NMNAT1: variants seen among roughly 807,000 people sequenced by gnomAD.
NMNAT1 encodes the protein nicotinamide/nicotinic acid mononucleotide adenylyltransferase 1.
A neutral mutation model predicts 16.7 loss-of-function variants in NMNAT1; 11 were observed. The ratio of observed to expected loss-of-function variants is 0.66; its 90% CI spans 0.41 to 1.09. The LOEUF is 1.09. Ranked by LOEUF, NMNAT1 falls within the 50% of genes least tolerant of loss-of-function variation. NMNAT1 has a pLI of 0.00. For synonymous variants in NMNAT1, 110 were observed against 119.8 expected (o/e 0.92, Z 0.53); for missense variants, 280 against 332.3 (o/e 0.84, Z 1.22).
chr1:9,957,807 A>T (rs1641301862), intron 1 of NMNAT1, among the ~76,000 whole-genome samples: 1 of 152,096 alleles, frequency 6.6e-6, no homozygotes, highest in Non-Finnish European at 1.5e-5. Flanking sequence ...ATTTTTTTTT[A>T]GAATTAAAGT....
chr1:9,982,318 C>G lies in NMNAT1; in HGVS notation c.457C>G (p.Leu153Val), dbSNP rs387907293. The change falls in exon 5 of 5, where the codon CTG (leucine) becomes GTG (valine). Residue 153 changes from leucine to valine, a missense_variant. By Grantham distance (32) the Leu-to-Val change is conservative (BLOSUM62 1). Transcript: ENST00000377205. ...CTTCCCAGCTGTGCCAAAGGTCAAG[C>G]TGCTGTGTGGGGCAGATTTATTGGA... ...PKTKAVPKVK[L>V]LCGADLLESF... is the part of the protein sequence containing the mutation. The G allele has an allele frequency of 1.2e-6, 2 of 1,612,490 alleles. No individual in the cohort carries two copies. The highest frequency in any genetic ancestry group is 1.7e-6 in the Non-Finnish European group (2 of 1,179,064).
chr1:9,973,876 C>T (rs968507002), intron 2 of NMNAT1, among the ~76,000 whole-genome samples: 5 of 151,178 alleles, frequency 3.3e-5, no homozygotes, highest in South Asian at 2.1e-4. Flanking sequence ...CTCGCTCTGT[C>T]GCCCAGGCTG....
the NMNAT1 span, among the ~76,000 whole-genome samples, chr1:9,996,289 C>CA: frequency 1.5e-5 from 2 of 134,644 alleles, no homozygotes; most frequent in African/African-American, 5.7e-5. Context: ...CCAGCCTGGG[C>CA]ACAGAGCGAG....
chr1:9,989,929 T>G (rs762353644), downstream of NMNAT1, among the ~76,000 whole-genome samples: 3 of 152,180 alleles, frequency 2.0e-5, no homozygotes, highest in Non-Finnish European at 4.4e-5. Context: ...GTTTTGCTCC[T>G]TCAGGTGCCC....
At chr1:9,958,205 A>T (rs930763292) in intron 1 of NMNAT1, among the ~76,000 whole-genome samples, 8 of 152,174 alleles carry the variant, frequency 5.3e-5, no homozygotes, top group African/African-American at 9.6e-5. Flanking sequence ...TAGCTTCCAG[A>T]AAACAAATTC....
At chr1:9,945,215 C>T (rs1640948453) in intron 1 of NMNAT1, among the ~76,000 whole-genome samples, 1 of 151,914 alleles carries the variant, frequency 6.6e-6, no homozygotes. Flanking sequence ...GCCTGGGTGA[C>T]AGAGCAACTC....
the NMNAT1 span, among the ~76,000 whole-genome samples, chr1:9,996,108 G>T: frequency 1.3e-5 from 2 of 151,930 alleles, no homozygotes; most frequent in Admixed American, 6.6e-5. Flanking sequence ...TCATGAGATC[G>T]AGACCATCCT....
Position 9,973,277 on chromosome 1 carries a change from C to T in NMNAT1, c.115+1089C>T, listed in dbSNP as rs560528720. Among the ~76,000 whole-genome samples the T allele has an allele frequency of 3.3e-3, 496 of 152,092 alleles. 5 individuals are homozygous for T. The highest frequency in any genetic ancestry group is 0.011 in the African/African-American group (449 of 41,520). Reference sequence around the variant, plus strand: ...GATTACAGGAATGTGCCACCACGCCCGGCTAATTTTTTATATTTTTAGTAG... The same window carrying T: ...GATTACAGGAATGTGCCACCACGCCTGGCTAATTTTTTATATTTTTAGTAG... On this transcript the variant is annotated intron_variant, in intron 2 of 4. Coordinates refer to ENST00000377205, the MANE Select transcript of NMNAT1 (RefSeq NM_022787.4).
chr1:9,979,827 G>A (rs1380694441), intron 3 of NMNAT1, among the ~76,000 whole-genome samples: 1 of 151,260 alleles, frequency 6.6e-6, no homozygotes, highest in Non-Finnish European at 1.5e-5. Flanking sequence ...AATTGTTATT[G>A]AATGCCTCCT....
chr1:9,953,797 CTTTTTTTTTTTTTT>C (rs34585788), intron 1 of NMNAT1, among the ~76,000 whole-genome samples: 2 of 60,148 alleles, frequency 3.3e-5, no homozygotes, highest in Non-Finnish European at 6.5e-5. Context: ...ATATATCACT[CTTTTTTTTTTTTTT>C]TTTTTTTTTT....
chr1:9,967,886 G>A (rs1309825997), intron 1 of NMNAT1, among the ~76,000 whole-genome samples: 4 of 151,942 alleles, frequency 2.6e-5, no homozygotes, highest in Non-Finnish European at 5.9e-5. Flanking sequence ...TGAGGTCGAA[G>A]GATCACTTGA....
chr1:9,975,433 G>A (rs1641783939), intron 2 of NMNAT1, among the ~76,000 whole-genome samples, 159 bp from the exon 3 acceptor site: 3 of 152,098 alleles, frequency 2.0e-5, no homozygotes, highest in Admixed American at 6.6e-5. Flanking sequence ...CCCAGGAGGC[G>A]GAGGTTGCAG....
chr1:9,984,776 C>G lies in NMNAT1; in HGVS notation c.*2075C>G, dbSNP rs1049244450. On this transcript the variant is annotated 3_prime_UTR_variant, in exon 5 of 5. Coordinates refer to ENST00000377205, the MANE Select transcript of NMNAT1 (RefSeq NM_022787.4). ...AGTAAAAGTCCTTGATTGGCATCTTCATTCGGATGATGGAGAGCCTTTGTG... is the reference window on the plus strand; with the variant it reads ...AGTAAAAGTCCTTGATTGGCATCTTGATTCGGATGATGGAGAGCCTTTGTG... 2.0e-5 allele frequency: 3 copies of G among 152,120 alleles called. No homozygotes were observed. The highest frequency in any genetic ancestry group is 4.4e-5 in the Non-Finnish European group (3 of 68,034). The allele number at this position is 152,120 out of a possible 1,614,324, so 9.4% of individuals were successfully genotyped here. A position where few individuals can be genotyped will look rare whatever the true frequency, so the allele number is the denominator to read the frequency against.
intron 1 of NMNAT1, among the ~76,000 whole-genome samples, chr1:9,966,263 C>G (rs189696373): frequency 4.0e-4 from 61 of 152,020 alleles, no homozygotes; most frequent in African/African-American, 1.4e-3. Flanking sequence ...CGTGCCACTG[C>G]ACTCCACCGT....
chr1:9,968,909 C>T (rs1324133022), intron 1 of NMNAT1, among the ~76,000 whole-genome samples: 1 of 146,864 alleles, frequency 6.8e-6, no homozygotes, highest in Admixed American at 6.9e-5. Flanking sequence ...CACTGCACCC[C>T]AGCCTGGGTG....
At chr1:9,958,358 T>C (rs1641318250) in intron 1 of NMNAT1, among the ~76,000 whole-genome samples, 1 of 152,132 alleles carries the variant, frequency 6.6e-6, no homozygotes, top group South Asian at 2.1e-4. Flanking sequence ...TAATAATACT[T>C]CAATAAGAAT....
chr1:9,966,842 G>T (rs1641556214), intron 1 of NMNAT1, among the ~76,000 whole-genome samples: 1 of 152,054 alleles, frequency 6.6e-6, no homozygotes, highest in African/African-American at 2.4e-5. Context: ...AAGGAACAAG[G>T]ATTAGAATGA....
At chr1:9,953,451 T>TTC (rs1557457841) in intron 1 of NMNAT1, among the ~76,000 whole-genome samples, 1 of 150,658 alleles carries the variant, frequency 6.6e-6, no homozygotes, top group East Asian at 2.0e-4. Flanking sequence ...TAATTTTGTT[T>TTC]TTTTTTTTGA....
intron 1 of NMNAT1, among the ~76,000 whole-genome samples, chr1:9,963,009 A>G (rs993394473): frequency 3.3e-5 from 5 of 152,006 alleles, no homozygotes; most frequent in Admixed American, 6.6e-5. Flanking sequence ...CACCCATGTC[A>G]TATTATTTTG....
Sources: allele counts gnomAD v4.1 joint callset (sites outside exome capture counted in the v4.1 genomes callset), GRCh38; gene constraint gnomAD v4.1.1; transcripts MANE v1.5; gene names NCBI Gene and HGNC (gene_info 2026-07-23, HGNC 2026-07-21).